PCDHGA6: variants seen among roughly 807,000 people sequenced by gnomAD.
PCDHGA6 encodes the protein protocadherin gamma-A6.
PCDHGA6 carries 41 observed loss-of-function variants against 60.6 expected under a neutral mutation model. The ratio of observed to expected loss-of-function variants is 0.68; its 90% confidence interval spans 0.53 to 0.88. The LOEUF (loss-of-function observed/expected upper bound fraction) is 0.88, where lower values mean the gene tolerates loss of function less well. Ranked by LOEUF, PCDHGA6 falls within the 40% of genes least tolerant of loss-of-function variation. PCDHGA6 has a pLI of 0.00. For missense variants in PCDHGA6, 1,312 were observed against 1,203.0 expected (o/e 1.09, Z -1.34); for synonymous variants, 594 against 524.4 (o/e 1.13, Z -1.81).
At position 141,485,677 on chromosome 5, in the gene PCDHGA6, C is replaced by T. The variant is rs757797282; in HGVS notation, c.2425-9130C>T. ...CAGATGTGGGGAGCAATTCGATTAG[C>T]AGCTATAGGCTGAGCTCCAATGAAC... On this transcript the variant is annotated intron_variant, in intron 1 of 3. Transcript: ENST00000517434. This position sits in a 1 kb window ranked among gnomAD's most constrained non-coding sequence, Gnocchi z 5.7. 2.4e-5 allele frequency: 38 copies of T among 1,612,714 alleles called. No individual in the cohort carries two copies. In the East Asian group the frequency reaches 7.8e-4, roughly 33 times the overall value.
At position 141,416,146 on chromosome 5, in the gene PCDHGA6, G is replaced by T. The variant is rs114133295; in HGVS notation, c.2424+39639G>T. 4.2e-3 allele frequency: 636 copies of T among 153,236 alleles called. 7 individuals carry two copies. Among genetic ancestry groups the T allele is most frequent in the South Asian group, 0.03 (145 of 4,832 alleles). 9.5% of individuals were successfully genotyped at this position (153,236 alleles called of 1,614,324 possible). Reference sequence around the variant, plus strand: ...TATATTTTTCAATCTATACTTTGTGGTGATAGTTGCAGTTGAATATACTAA... The same window carrying T: ...TATATTTTTCAATCTATACTTTGTGTTGATAGTTGCAGTTGAATATACTAA... On this transcript the variant is annotated intron_variant, in intron 1 of 3. Transcript: ENST00000517434.
intron 1 of PCDHGA6, chr5:141,382,734 G>A: frequency 1.8e-6 from 1 of 566,662 alleles, no homozygotes; most frequent in South Asian, 3.4e-5. Context: ...ACAGCACAGA[G>A]AAACGACAGA....
intron 1 of PCDHGA6, among the ~76,000 whole-genome samples, chr5:141,397,274 G>A (rs565956732): frequency 6.6e-6 from 1 of 152,188 alleles, no homozygotes; most frequent in East Asian, 1.9e-4. Flanking sequence ...TACATCATAT[G>A]GGCAGTATAC....
intron 1 of PCDHGA6, among the ~76,000 whole-genome samples, chr5:141,387,513 TA>T (rs1226986342): frequency 5.3e-5 from 8 of 152,366 alleles, no homozygotes; most frequent in East Asian, 3.9e-4. Flanking sequence ...TAGACGTCAT[TA>T]AATATACAGA....
intron 1 of PCDHGA6, chr5:141,403,960 G>T (rs775638627): frequency 1.9e-6 from 3 of 1,613,776 alleles, no homozygotes; most frequent in South Asian, 2.2e-5. Context: ...TGCTCATTTC[G>T]GTGGAAGATG....
intron 1 of PCDHGA6, among the ~76,000 whole-genome samples, chr5:141,439,139 G>T (rs2098090438): frequency 6.6e-6 from 1 of 150,672 alleles, no homozygotes; most frequent in South Asian, 2.1e-4. Flanking sequence ...GTTGCAGTGA[G>T]CTGAGATCAC....
In PCDHGA6 at chr5:141,489,872, T is replaced by A. The variant is rs2099693206; in HGVS notation, c.2425-4935T>A. 1 of 1,614,090 alleles carries A rather than the reference T, an allele frequency of 6.2e-7. No homozygotes were observed. The highest frequency in any genetic ancestry group is 8.5e-7 in the Non-Finnish European group (1 of 1,180,016). On this transcript the variant is annotated intron_variant, in intron 1 of 3. Coordinates refer to ENST00000517434, the MANE Select transcript of PCDHGA6 (RefSeq NM_018919.3). The surrounding 1 kb of genome is among the most constrained non-coding windows in gnomAD (Gnocchi z 4.5). ...GAAGCCCAGGCAAGACATCAGCTGG[T>A]GCTTACTGCTGTGGATGGGGGGACC...
At chr5:141,376,549 TC>T in intron 1 of PCDHGA6, 42 bp downstream of exon 1, 1 of 1,612,110 alleles carries the variant, frequency 6.2e-7, no homozygotes, top group South Asian at 1.1e-5. Context: ...AATCTGATCT[TC>T]CCGCAACCCA....
At chr5:141,394,851 C>T in intron 1 of PCDHGA6, 1 of 1,613,824 alleles carries the variant, frequency 6.2e-7, no homozygotes, top group Non-Finnish European at 8.5e-7. Context: ...CAGTCTGAAG[C>T]CTTCGGTCGA....
chr5:141,450,015 T>A (rs911475310), intron 1 of PCDHGA6, among the ~76,000 whole-genome samples: 12 of 149,806 alleles, frequency 8.0e-5, no homozygotes, highest in Non-Finnish European at 1.6e-4. Flanking sequence ...TCTTTTTTTT[T>A]TTTTTTTTTG....
At chr5:141,433,034 C>T in intron 1 of PCDHGA6, 1 of 1,614,184 alleles carries the variant, frequency 6.2e-7, no homozygotes. Flanking sequence ...CGAGGTTTCC[C>T]TCACCACGGA....
intron 1 of PCDHGA6, chr5:141,419,707 C>G (rs781629810): frequency 6.2e-7 from 1 of 1,613,180 alleles, no homozygotes. Flanking sequence ...AGCCCGGGCT[C>G]TTCAGCCTGG....
In PCDHGA6 at chr5:141,491,667, G is replaced by C. The variant is rs746903142; in HGVS notation, c.2425-3140G>C. The C allele has an allele frequency of 3.7e-6, 6 of 1,613,678 alleles. No individual in the cohort carries two copies. The South Asian group carries it at 6.6e-5, about 18-fold the overall frequency. On this transcript the variant is annotated intron_variant, in intron 1 of 3. Transcript: ENST00000517434. This position sits in a 1 kb window ranked among gnomAD's most constrained non-coding sequence, Gnocchi z 6.9. Reference sequence around the variant, plus strand: ...TGGCGCTGGAGCCTGACGCCATCCGGTCCCGCTCTAATACGCTGCGGGAGC... The same window carrying C: ...TGGCGCTGGAGCCTGACGCCATCCGCTCCCGCTCTAATACGCTGCGGGAGC...
chr5:141,415,455 G>A (rs571718366), intron 1 of PCDHGA6: 2 of 1,614,186 alleles, frequency 1.2e-6, no homozygotes, highest in African/African-American at 1.3e-5. Context: ...ATTCCCACGA[G>A]GTCTCTCTCA....
At chr5:141,483,385 G>C (rs1166547027) in intron 1 of PCDHGA6, among the ~76,000 whole-genome samples, 1 of 152,160 alleles carries the variant, frequency 6.6e-6, no homozygotes, top group Non-Finnish European at 1.5e-5. Context: ...AGAGAAGATT[G>C]ATAAATGCTT....
intron 1 of PCDHGA6, chr5:141,402,863 A>C: frequency 1.2e-5 from 17 of 1,429,924 alleles, no homozygotes; most frequent in Non-Finnish European, 1.6e-5. Flanking sequence ...TCTAAGGAAA[A>C]GATCACCATA....
At position 141,487,886 on chromosome 5, in the gene PCDHGA6, G is replaced by A. The variant is rs1208779156; in HGVS notation, c.2425-6921G>A. On this transcript the variant is annotated intron_variant, in intron 1 of 3. Transcript: ENST00000517434. This position sits in a 1 kb window ranked among gnomAD's most constrained non-coding sequence, Gnocchi z 5.0. ...GATCAAGAGCCAGGCTGTTGTGGAA[G>A]CATGATGATGGAATGTGGGAGCACA... is the stretch of plus-strand genomic sequence containing the variant. 1.3e-6 allele frequency: 1 copy of A among 751,316 alleles called. No individual in the cohort carries two copies. The highest frequency in any genetic ancestry group is 2.1e-6 in the Non-Finnish European group (1 of 467,526). The allele number at this position is 751,316 out of a possible 1,614,324, so 46.5% of individuals were successfully genotyped here.
chr5:141,390,173 T>C (rs1212038164), intron 1 of PCDHGA6: 1 of 1,613,616 alleles, frequency 6.2e-7, no homozygotes. Flanking sequence ...CGGAGTTTAA[T>C]TTCCTAAAAT....
At chr5:141,460,983 G>GTGTGTA (rs1554142949) in intron 1 of PCDHGA6, among the ~76,000 whole-genome samples, 82 of 137,842 alleles carry the variant, frequency 5.9e-4, no homozygotes, top group African/African-American at 1.9e-3. Flanking sequence ...GTGTGTGTGT[G>GTGTGTA]TATATATATA....
Sources: allele counts gnomAD v4.1 joint callset (sites outside exome capture counted in the v4.1 genomes callset), GRCh38; gene constraint gnomAD v4.1.1; non-coding constraint Gnocchi (gnomAD v3.1); transcripts MANE v1.5; gene names NCBI Gene and HGNC (gene_info 2026-07-23, HGNC 2026-07-21).